The following RPS6KL1 variants were observed in gnomAD, a reference collection of about 807,000 sequenced individuals.
RPS6KL1 encodes ribosomal protein S6 kinase-like 1.
A neutral mutation model predicts 57.0 loss-of-function variants in RPS6KL1; 41 were observed. The observed-to-expected ratio is 0.72, with a 90% CI of 0.56 to 0.93. The LOEUF is 0.93. Among genes scored for constraint, RPS6KL1 ranks in the 40% least tolerant of loss-of-function variants. RPS6KL1 has a pLI of 0.00. For missense variants in RPS6KL1, 697 were observed against 727.7 expected, an observed-to-expected ratio of 0.96 and a Z score of 0.49; for synonymous variants, 287 against 309.7, an observed-to-expected ratio of 0.93 and a Z score of 0.77.
rs1262536155 is a variant in RPS6KL1, at chr14:74,909,969, T to C, written c.844A>G (p.Arg282Gly). The C allele has an allele frequency of 5.6e-6, 9 of 1,613,918 alleles. No homozygotes were observed. The Admixed American group carries it at 6.7e-5, about 12-fold the overall frequency. The change falls in exon 8 of 12, where the codon AGG becomes GGG. Residue 282 changes from arginine (R) to glycine (G), a missense_variant. Physicochemically the swap from Arg to Gly is moderately radical, Grantham distance 125 (BLOSUM62 -2). Transcript: ENST00000557413. ...GCTAGGAGAAGGTTCGGAGAAGTCC[T>C]AGGAGGCTCCAGGGCGATTCTGTCC... Reference protein sequence around the residue: ...GQDRIALEPPRTSPNLLLAGE... With the variant: ...GQDRIALEPPGTSPNLLLAGE...
rs557583722 is a variant in RPS6KL1, at chr14:74,907,384, G to A, written c.1539+51C>T. Reference sequence around the variant, plus strand: ...CAGACACAGTTCTGTGCCCCTCCCAGCACCTTCCTCAGGCTAGGCAGCTGC... The same window carrying A: ...CAGACACAGTTCTGTGCCCCTCCCAACACCTTCCTCAGGCTAGGCAGCTGC... On this transcript the variant is annotated intron_variant, in intron 11 of 11. Transcript: ENST00000557413. 4.7e-5 allele frequency: 73 copies of A among 1,540,080 alleles called. 1 individual carries two copies. In the South Asian group the frequency reaches 7.0e-4, roughly 15 times the overall value.
chr14:74,919,795 C>T (rs1214235372), intron 4 of RPS6KL1, 50 bp downstream of exon 4: 5 of 1,600,918 alleles, frequency 3.1e-6, no homozygotes, highest in Non-Finnish European at 4.3e-6. Context: ...GCAGTCTCCC[C>T]TCAGAGCCCT....
chr14:74,916,664 G>A (rs1296872742), intron 5 of RPS6KL1, among the ~76,000 whole-genome samples: 1 of 151,886 alleles, frequency 6.6e-6, no homozygotes. Context: ...CTGAGCTACA[G>A]AGCGAGACCC....
At chr14:74,913,296 C>T (rs1886323398) in intron 5 of RPS6KL1, among the ~76,000 whole-genome samples, 2 of 152,078 alleles carry the variant, frequency 1.3e-5, no homozygotes, top group African/African-American at 4.8e-5. Flanking sequence ...GTGGCTTATG[C>T]CTGTAATCCC....
intron 5 of RPS6KL1, among the ~76,000 whole-genome samples, chr14:74,916,059 C>G (rs1430708833): frequency 6.6e-6 from 1 of 152,180 alleles, no homozygotes; most frequent in Non-Finnish European, 1.5e-5. Flanking sequence ...CTTAGTTATC[C>G]TAACAGCCGG....
At position 74,910,046 on chromosome 14, in the gene RPS6KL1, TG is replaced by T; in HGVS notation, c.766del (p.His256ThrfsTer5). 1 of 1,612,532 alleles carries T rather than the reference TG, an allele frequency of 6.2e-7. No individual in the cohort carries two copies. ...QERMKAQLNP[H>X]LNLLTPARLP... The stretch of plus-strand genomic sequence containing the variant: ...CCTCGCTGGGGTCAGGAGGTTGAGG[TG>T]GGGGTTGAGCTGAGCCTTCATCCTC... On this transcript the variant is annotated frameshift_variant, in exon 8 of 12. Transcript: ENST00000557413. LOFTEE classifies it high-confidence loss of function.
At chr14:74,917,572 G>C (rs1254796440) in intron 5 of RPS6KL1, among the ~76,000 whole-genome samples, 5 of 152,216 alleles carry the variant, frequency 3.3e-5, no homozygotes, top group African/African-American at 1.2e-4. Context: ...GGGAAGAGGG[G>C]AACCTCATAC....
chr14:74,909,278 G>A, intron 8 of RPS6KL1, 88 bp from the exon 9 acceptor site: 1 of 1,310,078 alleles, frequency 7.6e-7, no homozygotes, highest in African/African-American at 1.4e-5. Context: ...CAACAGTCAT[G>A]CGGTAGGAGC....
intron 4 of RPS6KL1, 139 bp from the exon 5 acceptor site, chr14:74,918,744 C>T (rs1887287009): frequency 8.4e-6 from 5 of 597,172 alleles, no homozygotes; most frequent in African/African-American, 3.8e-5. Flanking sequence ...CAGGCCCCAC[C>T]CCACAGTGGC....
At position 74,918,567 on chromosome 14, in the gene RPS6KL1, C is replaced by G; in HGVS notation, c.429G>C (p.Leu143=). ...SSLRLRPIRT[L]SSAVEQLRGC... The stretch of plus-strand genomic sequence containing the variant: ...CCCTCAGCTGCTCCACGGCAGAGCT[C>G]AGCGTGCGAATGGGCCGGAGCCTCA... Residue 143 remains leucine, a synonymous_variant, in exon 5 of 12, where the codon CTG becomes CTC. Transcript: ENST00000557413. The G allele has an allele frequency of 1.3e-6, 2 of 1,534,578 alleles. No homozygotes were observed. Among genetic ancestry groups the G allele is most frequent in the African/African-American group, 2.7e-5 (2 of 73,168 alleles).
chr14:74,911,363 G>GTGGC lies in RPS6KL1; in HGVS notation c.545_548dup (p.His183GlnfsTer101). 3 of 1,608,062 alleles carry GTGGC rather than the reference G, an allele frequency of 1.9e-6. No individual in the cohort carries two copies. The highest frequency in any genetic ancestry group is 2.5e-6 in the Non-Finnish European group (3 of 1,179,256). On this transcript the variant is annotated frameshift_variant, in exon 7 of 12. Coordinates refer to ENST00000557413, the MANE Select transcript of RPS6KL1 (RefSeq NM_031464.5). LOFTEE classifies it high-confidence loss of function. ...TGGTCAGCCGCTCCCTGCTCACCAT[G>GTGGC]TGGCACCTGGGTAGGCTCTGGGAGC...
intron 5 of RPS6KL1, among the ~76,000 whole-genome samples, chr14:74,914,843 G>C (rs1886584522): frequency 6.6e-6 from 1 of 152,210 alleles, no homozygotes; most frequent in Non-Finnish European, 1.5e-5. Flanking sequence ...CTCCCAAGTA[G>C]TTGGGATTCC....
At chr14:74,920,705 C>T (rs1482890054) in intron 3 of RPS6KL1, among the ~76,000 whole-genome samples, 1 of 152,228 alleles carries the variant, frequency 6.6e-6, no homozygotes, top group African/African-American at 2.4e-5. Context: ...CCGGCCCAGT[C>T]TGACCTCAGT....
Position 74,907,143 on chromosome 14 carries a change from TCAGCTGGGCCACTC to T in RPS6KL1, c.1540-33_1540-20del. Reference sequence around the variant, plus strand: ...GCAGCAGCTGCAGAGAGAGGCCCAGTCAGCTGGGCCACTCCAGCTGTGGAGGCATGGGGTGACCT... The same window carrying T: ...GCAGCAGCTGCAGAGAGAGGCCCAGTCAGCTGTGGAGGCATGGGGTGACCT... On this transcript the variant is annotated intron_variant, in intron 11 of 11. Transcript: ENST00000557413. 1 of 1,584,674 alleles carries T rather than the reference TCAGCTGGGCCACTC, an allele frequency of 6.3e-7. No individual in the cohort carries two copies. Among genetic ancestry groups the T allele is most frequent in the Middle Eastern group, 1.7e-4 (1 of 5,946 alleles).
chr14:74,922,748 C>A (rs1184359804), intron 1 of RPS6KL1, among the ~76,000 whole-genome samples: 2 of 152,220 alleles, frequency 1.3e-5, no homozygotes, highest in African/African-American at 4.8e-5. Flanking sequence ...CCTTTGCTCT[C>A]CCAGGTCCCA....
At position 74,922,173 on chromosome 14, in the gene RPS6KL1, TGTG is replaced by T; in HGVS notation, c.-219_-217del. 2.0e-6 allele frequency: 2 copies of T among 986,284 alleles called. No homozygotes were observed. Among genetic ancestry groups the T allele is most frequent in the Admixed American group, 1.2e-4 (2 of 16,814 alleles). The allele number at this position is 986,284 out of a possible 1,614,324, so 61.1% of individuals were successfully genotyped here. On this transcript the variant is annotated 5_prime_UTR_variant, in exon 2 of 12. Transcript: ENST00000557413. ...AGCTCTGGAGAGAGCTGAGGATATCTGTGATCCACAGCCACCTTCACAGGGCCT... is the reference window on the plus strand; with the variant it reads ...AGCTCTGGAGAGAGCTGAGGATATCTATCCACAGCCACCTTCACAGGGCCT...
rs750796538 is a variant in RPS6KL1 at position 74,909,559 on chromosome 14, C to T, written c.1254G>A (p.Leu418=). 1.0e-5 allele frequency: 16 copies of T among 1,601,602 alleles called. No homozygotes were observed. In the East Asian group the frequency reaches 1.3e-4, roughly 13 times the overall value. ...VLCRDLHPGN[L]LLDQAGHIRL... ...GGCACCTACCTGCCTGGTCCAGGAG[C>T]AGGTTCCCGGGGTGGAGGTCCCGGC... The change falls in exon 8 of 12, where the codon CTG becomes CTA. Residue 418 remains leucine (L), a synonymous_variant. Coordinates refer to ENST00000557413, the MANE Select transcript of RPS6KL1 (RefSeq NM_031464.5).
intron 5 of RPS6KL1, 30 bp downstream of exon 5, chr14:74,918,483 C>T: frequency 1.4e-6 from 2 of 1,474,532 alleles, no homozygotes; most frequent in Non-Finnish European, 1.8e-6. Flanking sequence ...CACTGTCTCC[C>T]TCCTGCAAGG....
chr14:74,920,908 T>C (rs2070374462), intron 3 of RPS6KL1, among the ~76,000 whole-genome samples: 1 of 152,218 alleles, frequency 6.6e-6, no homozygotes, highest in African/African-American at 2.4e-5. Context: ...AATTGTGCCA[T>C]TTGATAGCTG....
Sources: allele counts gnomAD v4.1 joint callset (sites outside exome capture counted in the v4.1 genomes callset), GRCh38; gene constraint gnomAD v4.1.1; transcripts MANE v1.5; gene names NCBI Gene and HGNC (gene_info 2026-07-23, HGNC 2026-07-21).